Variants in XPO4 observed in about 807,000 individuals in gnomAD.
The protein encoded by XPO4 is exportin-4.
Under a neutral mutation model 143.0 loss-of-function variants are expected in XPO4, and 39 were observed. The observed-to-expected ratio is 0.27, with a 90% CI of 0.21 to 0.36. The LOEUF (loss-of-function observed/expected upper bound fraction) is 0.36. Ranked by LOEUF, XPO4 falls within the 10% of genes least tolerant of loss-of-function variation. XPO4 has a pLI of 1.00. For synonymous variants in XPO4, 439 were observed against 474.0 expected (o/e 0.93, Z 0.96); for missense variants, 907 against 1,348.0 (o/e 0.67, Z 5.12).
At chr13:20,841,680 G>A (rs994328723) in intron 6 of XPO4, among the ~76,000 whole-genome samples, 13 of 152,000 alleles carry the variant, frequency 8.6e-5, no homozygotes, top group Non-Finnish European at 1.6e-4. Context: ...ATTCTACTAC[G>A]TGAATAGACT....
chr13:20,785,765 A>G (rs2059192729), intron 22 of XPO4, among the ~76,000 whole-genome samples: 1 of 151,272 alleles, frequency 6.6e-6, no homozygotes. Flanking sequence ...CAGTGTGTAA[A>G]TATGTTAAAA....
intron 1 of XPO4, among the ~76,000 whole-genome samples, chr13:20,880,367 G>A (rs1025277295): frequency 1.3e-5 from 2 of 152,146 alleles, no homozygotes; most frequent in African/African-American, 4.8e-5. Flanking sequence ...AGTAGGTAGT[G>A]GTTGCGGTGA....
At chr13:20,827,325 G>A in intron 6 of XPO4, 146 bp from the exon 7 acceptor site, 3 of 603,510 alleles carry the variant, frequency 5.0e-6, no homozygotes, top group Non-Finnish European at 9.0e-6. Context: ...ATTCATCCAT[G>A]AAGCTAAGGA....
chr13:20,902,445 G>A, intron 1 of XPO4: 1 of 985,448 alleles, frequency 1.0e-6, no homozygotes, highest in South Asian at 4.7e-5. Context: ...CCCGACTGGG[G>A]TGCTGGGCAG....
intron 1 of XPO4, among the ~76,000 whole-genome samples, chr13:20,886,380 G>A (rs1041429210): frequency 6.6e-6 from 1 of 152,152 alleles, no homozygotes; most frequent in African/African-American, 2.4e-5. Context: ...GGGAGGCTGA[G>A]GCGGGTGGAT....
intron 1 of XPO4, among the ~76,000 whole-genome samples, chr13:20,870,255 C>T (rs976545391): frequency 5.3e-5 from 8 of 151,824 alleles, no homozygotes; most frequent in African/African-American, 1.9e-4. Flanking sequence ...TGGTGAAACC[C>T]CCGTCTCTAC....
chr13:20,898,138 A>G (rs1047355981), intron 1 of XPO4, among the ~76,000 whole-genome samples: 2 of 152,248 alleles, frequency 1.3e-5, no homozygotes, highest in African/African-American at 4.8e-5. Flanking sequence ...AAATTTTTCT[A>G]TAGGACTACA....
At chr13:20,875,105 T>C (rs1443712742) in intron 1 of XPO4, among the ~76,000 whole-genome samples, 1 of 152,216 alleles carries the variant, frequency 6.6e-6, no homozygotes, top group Non-Finnish European at 1.5e-5. Context: ...ACGATAGATG[T>C]ACCAACCAAA....
intron 3 of XPO4, among the ~76,000 whole-genome samples, chr13:20,860,348 T>C (rs754082462): frequency 6.6e-6 from 1 of 152,222 alleles, no homozygotes; most frequent in Non-Finnish European, 1.5e-5. Flanking sequence ...TACATAAATA[T>C]AAATAAATAT....
chr13:20,786,655 C>T (rs1161989056), intron 22 of XPO4, among the ~76,000 whole-genome samples: 2 of 152,130 alleles, frequency 1.3e-5, no homozygotes, highest in Non-Finnish European at 2.9e-5. Flanking sequence ...TTCACACACC[C>T]ATTATGTATT....
intron 20 of XPO4, 143 bp downstream of exon 20, chr13:20,788,343 C>T (rs777726846): frequency 2.4e-5 from 26 of 1,089,254 alleles, no homozygotes; most frequent in African/African-American, 3.3e-5. Flanking sequence ...AGGTGTGAGC[C>T]ACCGTGCCTG....
intron 1 of XPO4, chr13:20,879,237 G>A: frequency 3.0e-6 from 3 of 985,256 alleles, no homozygotes; most frequent in Non-Finnish European, 3.6e-6. Context: ...CATAAAGCTG[G>A]GATCCTCAGC....
chr13:20,853,031 A>C (rs1393284270), intron 4 of XPO4: 1 of 985,214 alleles, frequency 1.0e-6, no homozygotes, highest in Admixed American at 6.2e-5. Flanking sequence ...TATTACTCTA[A>C]GTAAAAATAG....
chr13:20,855,689 T>C lies in XPO4; in HGVS notation c.394A>G (p.Ile132Val). 1 of 1,612,728 alleles carries C rather than the reference T, an allele frequency of 6.2e-7. No homozygotes were observed. Among genetic ancestry groups the C allele is most frequent in the Non-Finnish European group, 8.5e-7 (1 of 1,179,766 alleles). Reference protein sequence around the residue: ...IVKRGSLDKSIDCKSIFHEVS... With the variant: ...IVKRGSLDKSVDCKSIFHEVS... Reference sequence around the variant, plus strand: ...TCATGAAAAATGCTTTTGCAGTCAATTGATTTATCTAATGATCCTCTTTTT... The same window carrying C: ...TCATGAAAAATGCTTTTGCAGTCAACTGATTTATCTAATGATCCTCTTTTT... The change falls in exon 4 of 23, where the codon ATT becomes GTT. Residue 132 changes from isoleucine to valine, a missense_variant. Physicochemically the swap from Ile to Val is conservative, Grantham distance 29. Transcript: ENST00000255305.
intron 22 of XPO4, among the ~76,000 whole-genome samples, chr13:20,785,374 G>A (rs2141471139): frequency 6.6e-6 from 1 of 152,202 alleles, no homozygotes; most frequent in Middle Eastern, 3.4e-3. Context: ...CCCTACTCAT[G>A]AGAAATGGTA....
chr13:20,902,059 C>CT, intron 1 of XPO4: 1 of 985,102 alleles, frequency 1.0e-6, no homozygotes, highest in Non-Finnish European at 1.2e-6. Flanking sequence ...ATCGCGGGAG[C>CT]TTTAAGGAGC....
chr13:20,898,723 C>T (rs1003398509), intron 1 of XPO4, among the ~76,000 whole-genome samples: 1 of 152,138 alleles, frequency 6.6e-6, no homozygotes, highest in Non-Finnish European at 1.5e-5. Flanking sequence ...AAATTCAAGA[C>T]AATAAATAAA....
chr13:20,845,334 G>A (rs1299244950), intron 4 of XPO4, among the ~76,000 whole-genome samples: 2 of 152,168 alleles, frequency 1.3e-5, no homozygotes. Context: ...AAATTCTCTA[G>A]CGAATCTAGG....
At chr13:20,846,728 T>G (rs769956374) in intron 4 of XPO4, among the ~76,000 whole-genome samples, 8 of 152,174 alleles carry the variant, frequency 5.3e-5, no homozygotes, top group Non-Finnish European at 8.8e-5. Context: ...ATCCAGGAGT[T>G]ATTACTGTAA....
Sources: gnomAD v4.1 joint callset for allele counts (sites outside exome capture counted in the v4.1 genomes callset) on GRCh38, gnomAD v4.1.1 for gene constraint, MANE v1.5 for transcripts, NCBI Gene and HGNC (gene_info 2026-07-23, HGNC 2026-07-21) for gene names.